The following RBFOX3 variants were observed in gnomAD, a reference collection of about 807,000 sequenced individuals.
RBFOX3 encodes RNA binding protein fox-1 homolog 3.
A neutral mutation model predicts 48.7 loss-of-function variants in RBFOX3; 17 were observed. The observed-to-expected ratio is 0.35, with a 90% CI of 0.24 to 0.52. The LOEUF is 0.52. Ranked by LOEUF, RBFOX3 falls within the 20% of genes least tolerant of loss-of-function variation. The probability of loss-of-function intolerance (pLI) is 0.94; values close to 1 mark genes in which losing one functional copy is unlikely to be tolerated. For missense variants in RBFOX3, 382 were observed against 497.5 expected (o/e 0.77, Z 2.21); for synonymous variants, 212 against 209.5 (o/e 1.01, Z -0.10).
At chr17:79,308,383 T>C (rs1283760326) in intron 2 of RBFOX3, among the ~76,000 whole-genome samples, 3 of 152,132 alleles carry the variant, frequency 2.0e-5, no homozygotes, top group African/African-American at 7.2e-5. Context: ...TCAGACCCCA[T>C]CAGTGTCACC....
At chr17:79,584,015 C>T (rs2093161374) in intron 1 of RBFOX3, among the ~76,000 whole-genome samples, 1 of 152,036 alleles carries the variant, frequency 6.6e-6, no homozygotes, top group African/African-American at 2.4e-5. Context: ...TGGTGCTGTC[C>T]TCTAAAATGG....
rs550676817 is a variant in RBFOX3 at position 79,241,787 on chromosome 17, G to A, written c.-73-5982C>T. Among the ~76,000 whole-genome samples, 72 of 152,290 alleles carry A rather than the reference G, an allele frequency of 4.7e-4. 1 individual carries two copies. The highest frequency in any genetic ancestry group is 1.4e-3 in the Admixed American group (22 of 15,310). On this transcript the variant is annotated intron_variant, in intron 3 of 14. Coordinates refer to ENST00000693108, the MANE Select transcript of RBFOX3 (RefSeq NM_001350451.2). ...CTCTTGTCCTGGCTTGCAGACAGCC[G>A]CCTTCTCACTGTGTCTTCACATGGC...
At chr17:79,468,549 C>T (rs886858597) in intron 2 of RBFOX3, among the ~76,000 whole-genome samples, 3 of 151,886 alleles carry the variant, frequency 2.0e-5, no homozygotes, top group East Asian at 1.9e-4. Context: ...GATAGGCAGG[C>T]AGGCAGGCAG....
At chr17:79,607,067 A>C (rs2093848586) in intron 1 of RBFOX3, among the ~76,000 whole-genome samples, 1 of 152,130 alleles carries the variant, frequency 6.6e-6, no homozygotes, top group South Asian at 2.1e-4. Context: ...TTTATGAAAG[A>C]GCGTGGAGAG....
chr17:79,494,593 G>A (rs2081172612), intron 1 of RBFOX3, among the ~76,000 whole-genome samples: 1 of 152,244 alleles, frequency 6.6e-6, no homozygotes, highest in Non-Finnish European at 1.5e-5. Flanking sequence ...GTGGGCTGGG[G>A]AATGAGCAGC....
At chr17:79,305,920 G>A (rs12938720) in intron 3 of RBFOX3, among the ~76,000 whole-genome samples, 74,977 of 151,986 alleles carry the variant, frequency 0.49, 20,961 homozygotes, top group Non-Finnish European at 0.61. Flanking sequence ...CTCTAGCGTA[G>A]AGCCCTGGGC....
chr17:79,093,210 G>T (rs2074332031), intron 14 of RBFOX3, among the ~76,000 whole-genome samples: 2 of 152,172 alleles, frequency 1.3e-5, no homozygotes, highest in African/African-American at 4.8e-5. Flanking sequence ...AGCGGGTCCT[G>T]GATGCTCCAG....
chr17:79,429,717 C>T (rs377512167), intron 2 of RBFOX3, among the ~76,000 whole-genome samples: 6 of 152,100 alleles, frequency 3.9e-5, no homozygotes, highest in African/African-American at 7.2e-5. Context: ...AAGACAAAAC[C>T]GAGGCCATGG....
At position 79,361,449 on chromosome 17, in the gene RBFOX3, G is replaced by A. The variant is rs1205300944; in HGVS notation, c.-174-53625C>T. 3.3e-5 allele frequency among the ~76,000 whole-genome samples: 5 copies of A among 152,130 alleles called. No individual in the cohort carries two copies. Among genetic ancestry groups the A allele is most frequent in the Non-Finnish European group, 7.4e-5 (5 of 68,018 alleles). On this transcript the variant is annotated intron_variant, in intron 2 of 14. Transcript: ENST00000693108. The surrounding 1 kb of genome is among the most constrained non-coding windows in gnomAD (Gnocchi z 4.5). ...GGGAGGACCCTCACGGTGGCCCTTG[G>A]TTACTGGAGTCACCAGGACCTGCAG...
chr17:79,628,430 G>A, the RBFOX3 span, among the ~76,000 whole-genome samples: 2 of 152,206 alleles, frequency 1.3e-5, no homozygotes, highest in Non-Finnish European at 2.9e-5. Flanking sequence ...GTGCATAGAT[G>A]CAATCCCTGC....
intron 1 of RBFOX3, among the ~76,000 whole-genome samples, chr17:79,606,422 G>A (rs1014461989): frequency 1.4e-4 from 21 of 152,250 alleles, no homozygotes; most frequent in Admixed American, 2.6e-4. Flanking sequence ...CGTGGTACCC[G>A]GGCAAGACGC....
rs1170986239 is a variant in RBFOX3, at chr17:79,390,918, G to T, written c.-174-83094C>A. Among the ~76,000 whole-genome samples the T allele has an allele frequency of 1.3e-5, 2 of 152,138 alleles. No individual in the cohort carries two copies. Among genetic ancestry groups the T allele is most frequent in the Non-Finnish European group, 2.9e-5 (2 of 68,026 alleles). On this transcript the variant is annotated intron_variant, in intron 2 of 14. Transcript: ENST00000693108. This position sits in a 1 kb window ranked among gnomAD's most constrained non-coding sequence, Gnocchi z 4.2. ...GGTGGGACTGCTCGGGTGCCGGCAG[G>T]GAGTTCCTGGACCCACCCAAAGCCA...
chr17:79,216,681 C>T (rs893869509), intron 4 of RBFOX3, among the ~76,000 whole-genome samples: 7 of 152,148 alleles, frequency 4.6e-5, no homozygotes, highest in Admixed American at 6.5e-5. Flanking sequence ...CCCGTTCTGG[C>T]GTCTCCCTGT....
chr17:79,482,697 G>A lies in RBFOX3; in HGVS notation c.-319-99C>T, dbSNP rs1202941476. On this transcript the variant is annotated intron_variant, in intron 1 of 14. Transcript: ENST00000693108. The surrounding 1 kb of genome is among the most constrained non-coding windows in gnomAD (Gnocchi z 4.1). ...TTGGTATTAATAAACCAGGGAGGGG[G>A]CAGCTTCAAAGCCAACTGTTTGCCA... 6.6e-6 allele frequency: 1 copy of A among 152,148 alleles called. No homozygotes were observed. Among genetic ancestry groups the A allele is most frequent in the Non-Finnish European group, 1.5e-5 (1 of 68,018 alleles). The allele number at this position is 152,148 out of a possible 1,614,324, so 9.4% of individuals were successfully genotyped here.
At chr17:79,594,839 T>G (rs2093525883) in intron 1 of RBFOX3, among the ~76,000 whole-genome samples, 1 of 152,070 alleles carries the variant, frequency 6.6e-6, no homozygotes, top group Admixed American at 6.5e-5. Flanking sequence ...CACTCAGCGC[T>G]TCCCCACCCT....
Position 79,115,890 on chromosome 17 carries a change from C to T in RBFOX3, c.-33-142G>A, listed in dbSNP as rs182055899. The T allele has an allele frequency of 6.9e-5, 36 of 523,652 alleles. 1 individual carries two copies. Among genetic ancestry groups the T allele is most frequent in the Middle Eastern group, 4.9e-4 (1 of 2,034 alleles). The allele number at this position is 523,652 out of a possible 1,614,324, so 32.4% of individuals were successfully genotyped here. ...CCCGGCCCCTCCAAGGGGGGCTCGC[C>T]GGCATGGGCACCAGCTCAGAGCAGG... On this transcript the variant is annotated intron_variant, in intron 4 of 14. Transcript: ENST00000693108.
chr17:79,172,618 G>T (rs965605180), intron 4 of RBFOX3, among the ~76,000 whole-genome samples: 16 of 152,228 alleles, frequency 1.1e-4, no homozygotes, highest in African/African-American at 3.9e-4. Context: ...GGACCAGAGG[G>T]AGTATCAGAG....
At chr17:79,629,465 C>T in the RBFOX3 span, among the ~76,000 whole-genome samples, 3 of 152,192 alleles carry the variant, frequency 2.0e-5, no homozygotes. Context: ...TTTCCACCTG[C>T]CAGATTTTGA....
intron 2 of RBFOX3, among the ~76,000 whole-genome samples, chr17:79,410,086 A>G (rs1416387860): frequency 6.6e-6 from 1 of 152,236 alleles, no homozygotes; most frequent in African/African-American, 2.4e-5. Flanking sequence ...TCCACCCTTC[A>G]GCTCTGCACA....
Sources: gnomAD v4.1 joint callset for allele counts (sites outside exome capture counted in the v4.1 genomes callset) on GRCh38, gnomAD v4.1.1 for gene constraint, Gnocchi (gnomAD v3.1) non-coding constraint, MANE v1.5 for transcripts, NCBI Gene and HGNC (gene_info 2026-07-23, HGNC 2026-07-21) for gene names.